Variants in RANBP2 observed in about 807,000 individuals in gnomAD.
RANBP2 encodes the protein E3 SUMO-protein ligase RanBP2.
A neutral mutation model predicts 303.6 loss-of-function variants in RANBP2; 57 were observed. The ratio of observed to expected loss-of-function variants is 0.19; its 90% CI spans 0.15 to 0.23. The LOEUF is 0.23. Ranked by LOEUF, RANBP2 falls within the 10% of genes least tolerant of loss-of-function variation. RANBP2 has a pLI of 1.00. For missense variants in RANBP2, 3,138 were observed against 3,780.8 expected, an observed-to-expected ratio of 0.83 and a Z score of 4.46; for synonymous variants, 1,167 against 1,301.5, an observed-to-expected ratio of 0.90 and a Z score of 2.23.
chr2:108,760,324 G>C (rs1252563161), intron 18 of RANBP2, among the ~76,000 whole-genome samples: 1 of 152,140 alleles, frequency 6.6e-6, no homozygotes, highest in Non-Finnish European at 1.5e-5. Flanking sequence ...GTTGTGTGTA[G>C]ATGAGCTAGC....
At chr2:109,497,496 A>C in the RANBP2 span, among the ~76,000 whole-genome samples, 1 of 152,200 alleles carries the variant, frequency 6.6e-6, no homozygotes, top group African/African-American at 2.4e-5. Flanking sequence ...TGTGTCTGAA[A>C]ATTAGCTGTG....
At chr2:109,151,369 C>T in the RANBP2 span, among the ~76,000 whole-genome samples, 3 of 152,156 alleles carry the variant, frequency 2.0e-5, no homozygotes, top group African/African-American at 7.2e-5. Flanking sequence ...AATGGTTTAA[C>T]AGGTGTTCAA....
the RANBP2 span, among the ~76,000 whole-genome samples, chr2:108,797,155 G>A: frequency 6.6e-6 from 1 of 152,096 alleles, no homozygotes; most frequent in Non-Finnish European, 1.5e-5. Flanking sequence ...ATATAATTAA[G>A]CAGAAAGGGT....
the RANBP2 span, among the ~76,000 whole-genome samples, chr2:109,018,907 G>A: frequency 1.6e-4 from 25 of 152,308 alleles, no homozygotes; most frequent in African/African-American, 3.6e-4. Flanking sequence ...ACCACTGATC[G>A]TGTCCCTAGC....
At chr2:109,639,645 A>T in the RANBP2 span, among the ~76,000 whole-genome samples, 1 of 152,028 alleles carries the variant, frequency 6.6e-6, no homozygotes, top group Non-Finnish European at 1.5e-5. Context: ...AAAAAATAAA[A>T]AAATGGGCTG....
the RANBP2 span, among the ~76,000 whole-genome samples, chr2:109,702,522 T>C: frequency 6.6e-6 from 1 of 152,194 alleles, no homozygotes; most frequent in Non-Finnish European, 1.5e-5. Flanking sequence ...TGTCACCTGA[T>C]TGTGCAGACA....
the RANBP2 span, among the ~76,000 whole-genome samples, chr2:109,581,260 T>G: frequency 1.3e-5 from 2 of 151,958 alleles, no homozygotes; most frequent in Non-Finnish European, 2.9e-5. Flanking sequence ...ACCAACATGG[T>G]GAAACCCCGT....
chr2:109,503,691 G>A, the RANBP2 span: 1 of 152,174 alleles, frequency 6.6e-6, no homozygotes, highest in African/African-American at 2.4e-5. Context: ...GTGTTCTCCA[G>A]GGAAACCAGA....
intron 15 of RANBP2, 97 bp from the exon 16 acceptor site, chr2:108,754,808 G>A (rs1811334): frequency 2.8e-5 from 44 of 1,584,380 alleles, no homozygotes; most frequent in Admixed American, 3.5e-5. Context: ...TATTAAAGTG[G>A]CAAAAATGTA....
chr2:108,844,658 A>T, the RANBP2 span, among the ~76,000 whole-genome samples: 9 of 152,114 alleles, frequency 5.9e-5, no homozygotes, highest in Non-Finnish European at 1.0e-4. Flanking sequence ...AAAAGTTTTA[A>T]CATCCTTAGG....
the RANBP2 span, among the ~76,000 whole-genome samples, chr2:108,843,124 T>G: frequency 3.3e-5 from 5 of 151,686 alleles, no homozygotes; most frequent in African/African-American, 1.2e-4. Context: ...ATCTATCTGT[T>G]TAGAGGACTT....
rs751209914 is a variant in RANBP2, at chr2:108,775,854, A to G, written c.8415A>G (p.Ser2805=). 2.5e-6 allele frequency: 4 copies of G among 1,613,548 alleles called. No homozygotes were observed. The highest frequency in any genetic ancestry group is 3.4e-6 in the Non-Finnish European group (4 of 1,179,922). The change falls in exon 24 of 29, where the codon TCA becomes TCG. Residue 2805 remains serine, a synonymous_variant. Coordinates refer to ENST00000283195, the MANE Select transcript of RANBP2 (RefSeq NM_006267.5). ...EPDSITKSIS[S]PSVSSETMDK... is the part of the protein sequence containing the mutation. ...ATTCTATTACCAAATCCATTAGTTC[A>G]CCATCTGTTTCCTCTGAAACTATGG...
At chr2:108,927,934 C>A in the RANBP2 span, among the ~76,000 whole-genome samples, 5 of 152,114 alleles carry the variant, frequency 3.3e-5, no homozygotes, top group Non-Finnish European at 7.4e-5. Context: ...CCATCTGCAC[C>A]CCTGGTCAGT....
At chr2:109,148,620 T>C in the RANBP2 span, among the ~76,000 whole-genome samples, 1 of 152,204 alleles carries the variant, frequency 6.6e-6, no homozygotes, top group Non-Finnish European at 1.5e-5. Flanking sequence ...TAATTAAAGA[T>C]GGCATTAGTC....
chr2:109,724,105 C>T, the RANBP2 span, among the ~76,000 whole-genome samples: 3 of 152,262 alleles, frequency 2.0e-5, no homozygotes, highest in East Asian at 5.8e-4. Flanking sequence ...TCTGAGTTCT[C>T]TATTTTGTTC....
At chr2:109,424,425 C>T in the RANBP2 span, among the ~76,000 whole-genome samples, 1 of 152,344 alleles carries the variant, frequency 6.6e-6, no homozygotes, top group South Asian at 2.1e-4. Flanking sequence ...AGCAGAAACA[C>T]AGGCAAACCT....
the RANBP2 span, chr2:109,130,031 C>G: frequency 7.4e-7 from 1 of 1,342,844 alleles, no homozygotes; most frequent in Non-Finnish European, 9.5e-7. Flanking sequence ...CCGGGTTCCC[C>G]GGTTTTCCTC....
At chr2:109,146,243 C>T in the RANBP2 span, among the ~76,000 whole-genome samples, 1 of 152,130 alleles carries the variant, frequency 6.6e-6, no homozygotes, top group Admixed American at 6.5e-5. Flanking sequence ...TCTGGCTGCT[C>T]TTATAGCCAG....
the RANBP2 span, among the ~76,000 whole-genome samples, chr2:109,709,635 G>A: frequency 6.6e-6 from 1 of 152,358 alleles, no homozygotes. Context: ...TAATGCATGC[G>A]ATGCCCTTGG....
Sources: allele counts gnomAD v4.1 joint callset (sites outside exome capture counted in the v4.1 genomes callset), GRCh38; gene constraint gnomAD v4.1.1; transcripts MANE v1.5; gene names NCBI Gene and HGNC (gene_info 2026-07-23, HGNC 2026-07-21).